PRKAA2: variants seen among roughly 807,000 people sequenced by gnomAD.
PRKAA2 encodes the protein protein kinase AMP-activated catalytic subunit alpha 2.
In PRKAA2, 40 loss-of-function variants were observed where a neutral mutation model predicts 56.3. The ratio of observed to expected loss-of-function variants is 0.71; its 90% confidence interval spans 0.55 to 0.92. The LOEUF is 0.92. Among genes scored for constraint, PRKAA2 ranks in the 40% least tolerant of loss-of-function variants. The probability of loss-of-function intolerance (pLI) is 0.00; values close to 1 mark genes in which losing one functional copy is unlikely to be tolerated. For synonymous variants in PRKAA2, 214 were observed against 234.2 expected, an observed-to-expected ratio of 0.91 and a Z score of 0.79; for missense variants, 542 against 686.9, an observed-to-expected ratio of 0.79 and a Z score of 2.36.
chr1:56,707,090 C>T (rs1644336777), intron 8 of PRKAA2, among the ~76,000 whole-genome samples: 1 of 152,134 alleles, frequency 6.6e-6, no homozygotes, highest in Admixed American at 6.5e-5. Flanking sequence ...TCCACCTCCC[C>T]AAGGCAATAT....
chr1:56,674,750 A>C (rs1429422034), intron 2 of PRKAA2, among the ~76,000 whole-genome samples: 4 of 152,058 alleles, frequency 2.6e-5, no homozygotes, highest in Admixed American at 2.6e-4. Context: ...TTTCTAAATT[A>C]GTACTCAATT....
chr1:56,682,248 C>T (rs866258290), intron 2 of PRKAA2, among the ~76,000 whole-genome samples: 1 of 152,032 alleles, frequency 6.6e-6, no homozygotes, highest in Non-Finnish European at 1.5e-5. Context: ...AACAAATTAA[C>T]AAGATCATTT....
intron 1 of PRKAA2, among the ~76,000 whole-genome samples, chr1:56,657,874 C>A (rs72666484): frequency 0.023 from 3,449 of 152,114 alleles, 82 homozygotes; most frequent in East Asian, 0.11. Context: ...AAAGTGACCC[C>A]AGGTGGAAGG....
chr1:56,707,431 A>G lies in PRKAA2; in HGVS notation c.1421-44A>G, dbSNP rs140162362. 515 of 1,507,322 alleles carry G rather than the reference A, an allele frequency of 3.4e-4. 5 individuals are homozygous for G. In the East Asian group the frequency reaches 8.4e-3, roughly 25 times the overall value. The allele number at this position is 1,507,322 out of a possible 1,614,324, so 93.4% of individuals were successfully genotyped here. A position where few individuals can be genotyped will look rare whatever the true frequency, so the allele number is the denominator to read the frequency against. On this transcript the variant is annotated intron_variant, in intron 8 of 8. Coordinates refer to ENST00000371244, the MANE Select transcript of PRKAA2 (RefSeq NM_006252.4). The stretch of plus-strand genomic sequence containing the variant: ...ATAAATTCATAGGAAGGGCTTGGGC[A>G]TATATACTTTCCATATAAATTGCTC...
intron 1 of PRKAA2, among the ~76,000 whole-genome samples, chr1:56,666,387 T>G (rs1489250159): frequency 6.6e-6 from 1 of 152,226 alleles, no homozygotes; most frequent in African/African-American, 2.4e-5. Context: ...GGGATTACAT[T>G]AGAACATCAC....
chr1:56,703,745 T>G (rs12048572), intron 6 of PRKAA2, among the ~76,000 whole-genome samples: 60,317 of 151,706 alleles, frequency 0.4, 12,534 homozygotes, highest in Middle Eastern at 0.52. Context: ...ATGGGCTTGC[T>G]TTTTTCATTT....
At chr1:56,680,725 A>G (rs1371578393) in intron 2 of PRKAA2, among the ~76,000 whole-genome samples, 4 of 152,142 alleles carry the variant, frequency 2.6e-5, no homozygotes, top group African/African-American at 7.2e-5. Context: ...TCCATGGTGT[A>G]TATGTGCCAC....
At position 56,704,376 on chromosome 1, in the gene PRKAA2, A is replaced by G; in HGVS notation, c.1194A>G (p.Lys398=). ...NTTKPKSLAV[K]KAKWHLGIRS... Reference sequence around the variant, plus strand: ...CTAAGCCCAAATCTTTAGCTGTGAAAAAAGCCAAGTGGCATCTTGGAATCC... The same window carrying G: ...CTAAGCCCAAATCTTTAGCTGTGAAGAAAGCCAAGTGGCATCTTGGAATCC... The change falls in exon 7 of 9, where the codon AAA becomes AAG. Residue 398 remains lysine (K), a synonymous_variant. Coordinates refer to ENST00000371244, the MANE Select transcript of PRKAA2 (RefSeq NM_006252.4). The G allele has an allele frequency of 6.2e-7, 1 of 1,614,230 alleles. No individual in the cohort carries two copies. The highest frequency in any genetic ancestry group is 2.2e-5 in the East Asian group (1 of 44,884).
intron 1 of PRKAA2, among the ~76,000 whole-genome samples, chr1:56,673,845 A>G (rs866539191): frequency 1.4e-4 from 22 of 152,336 alleles, no homozygotes; most frequent in Admixed American, 7.2e-4. Context: ...TAAACATACT[A>G]TAACAGTTTG....
rs1646633180 is a variant in PRKAA2, at chr1:56,645,552, C to A, written c.94+71C>A. On this transcript the variant is annotated intron_variant, in intron 1 of 8. Transcript: ENST00000371244. ...GGGAGGCCGAGGGGAGAGGCGGGAGCCCCGGGCCTCCGGCGGGCGCGGGGC... is the reference window on the plus strand; with the variant it reads ...GGGAGGCCGAGGGGAGAGGCGGGAGACCCGGGCCTCCGGCGGGCGCGGGGC... The A allele has an allele frequency of 1.1e-4, 145 of 1,346,732 alleles. 2 individuals carry two copies. In the South Asian group the frequency reaches 1.9e-3, roughly 18 times the overall value. The allele number at this position is 1,346,732 out of a possible 1,614,324, so 83.4% of individuals were successfully genotyped here.
At chr1:56,702,250 A>G (rs2100435170) in intron 6 of PRKAA2, among the ~76,000 whole-genome samples, 1 of 152,072 alleles carries the variant, frequency 6.6e-6, no homozygotes, top group South Asian at 2.1e-4. Flanking sequence ...CGCCCGGCTA[A>G]TTTTGTATTT....
intron 1 of PRKAA2, among the ~76,000 whole-genome samples, chr1:56,651,799 A>G (rs530862361): frequency 2.4e-4 from 37 of 151,922 alleles, no homozygotes; most frequent in Non-Finnish European, 2.2e-4. Flanking sequence ...ACCCATGTTT[A>G]TTAGAAATAC....
At chr1:56,681,778 G>A (rs982770736) in intron 2 of PRKAA2, among the ~76,000 whole-genome samples, 2 of 152,288 alleles carry the variant, frequency 1.3e-5, no homozygotes, top group Non-Finnish European at 2.9e-5. Context: ...ATAGTTTGAA[G>A]TCAGTTAGCG....
intron 2 of PRKAA2, among the ~76,000 whole-genome samples, chr1:56,688,847 A>G (rs1189201929): frequency 6.6e-6 from 1 of 152,214 alleles, no homozygotes; most frequent in Non-Finnish European, 1.5e-5. Flanking sequence ...CTCCACGAGT[A>G]GAGGCACCAA....
intron 6 of PRKAA2, among the ~76,000 whole-genome samples, chr1:56,702,791 T>C (rs1644305929): frequency 6.6e-6 from 1 of 152,230 alleles, no homozygotes; most frequent in Non-Finnish European, 1.5e-5. Flanking sequence ...CTAAATTATA[T>C]ACTCTCATTT....
intron 2 of PRKAA2, among the ~76,000 whole-genome samples, chr1:56,690,004 T>C (rs925286413): frequency 2.0e-5 from 3 of 150,622 alleles, no homozygotes; most frequent in Middle Eastern, 3.4e-3. Flanking sequence ...CCCATGCATG[T>C]CTTATTCACC....
intron 2 of PRKAA2, among the ~76,000 whole-genome samples, chr1:56,679,369 T>C (rs887302539): frequency 1.8e-4 from 28 of 152,184 alleles, no homozygotes; most frequent in African/African-American, 6.0e-4. Flanking sequence ...GATGTTCACA[T>C]TCTAAAGTCA....
At chr1:56,666,580 A>ATGCT (rs1644037629) in intron 1 of PRKAA2, among the ~76,000 whole-genome samples, 1 of 152,196 alleles carries the variant, frequency 6.6e-6, no homozygotes, top group Non-Finnish European at 1.5e-5. Flanking sequence ...ATTCCATTGA[A>ATGCT]TACAGTTCAA....
In PRKAA2 at chr1:56,705,610, G is replaced by C. The variant is rs775948519; in HGVS notation, c.1294-482G>C. On this transcript the variant is annotated intron_variant, in intron 7 of 8. Transcript: ENST00000371244. The stretch of plus-strand genomic sequence containing the variant: ...AGATGGGGTTTCACCATGTTGCCCA[G>C]GCTGGTCTCAAGCTCCAGGGCTCAG... 2.0e-5 allele frequency among the ~76,000 whole-genome samples: 3 copies of C among 152,212 alleles called. No homozygotes were observed. The South Asian group carries it at 6.2e-4, about 32-fold the overall frequency.
Sources: gnomAD v4.1 joint callset for allele counts (sites outside exome capture counted in the v4.1 genomes callset) on GRCh38, gnomAD v4.1.1 for gene constraint, MANE v1.5 for transcripts, NCBI Gene and HGNC (gene_info 2026-07-23, HGNC 2026-07-21) for gene names.